Variants in SPIRE2 observed in about 807,000 individuals in gnomAD.
SPIRE2 encodes the protein spire type actin nucleation factor 2.
SPIRE2 carries 76 observed loss-of-function variants against 80.7 expected under a neutral mutation model. The ratio of observed to expected loss-of-function variants is 0.94; its 90% CI spans 0.78 to 1.14. The LOEUF (loss-of-function observed/expected upper bound fraction) is 1.14. SPIRE2 is among the 50% of genes most tolerant of loss of function. SPIRE2 has a pLI of 0.00. For missense variants in SPIRE2, 1,196 were observed against 1,015.3 expected (o/e 1.18, Z -2.42); for synonymous variants, 535 against 432.6 (o/e 1.24, Z -2.94).
intron 1 of SPIRE2, among the ~76,000 whole-genome samples, chr16:89,838,944 G>A (rs1459609698): frequency 6.6e-6 from 1 of 151,844 alleles, no homozygotes; most frequent in East Asian, 2.0e-4. Flanking sequence ...TGGCCAGGCT[G>A]GTCTTGAACC....
In SPIRE2 at chr16:89,828,538, T is replaced by C; in HGVS notation, c.-13T>C. 1.4e-5 allele frequency: 15 copies of C among 1,079,528 alleles called. No homozygotes were observed. Among genetic ancestry groups the C allele is most frequent in the South Asian group, 4.3e-5 (1 of 22,992 alleles). The allele number at this position is 1,079,528 out of a possible 1,614,324, so 66.9% of individuals were successfully genotyped here. ...CGCGGGTCCGGCGCGCGGGAGGCGA[T>C]GACGGCCCCGCCATGGCCCGGGCGG... On this transcript the variant is annotated 5_prime_UTR_variant, in exon 1 of 15. An upstream start codon of the reference 5' UTR is lost. Transcript: ENST00000378247. This position sits in a 1 kb window ranked among gnomAD's most constrained non-coding sequence, Gnocchi z 5.9.
intron 2 of SPIRE2, chr16:89,845,693 G>A (rs1239265821): frequency 3.0e-6 from 2 of 670,958 alleles, no homozygotes; most frequent in Non-Finnish European, 5.4e-6. Context: ...CGGGGTCAGG[G>A]AGACGACTTC....
At chr16:89,835,344 G>A (rs899334937) in intron 1 of SPIRE2, among the ~76,000 whole-genome samples, 3 of 152,216 alleles carry the variant, frequency 2.0e-5, no homozygotes, top group Admixed American at 2.0e-4. Context: ...TGCTACTGTT[G>A]AGATTCGGTT....
At chr16:89,857,592 T>C (rs1482550621) in intron 7 of SPIRE2, among the ~76,000 whole-genome samples, 3 of 151,880 alleles carry the variant, frequency 2.0e-5, no homozygotes, top group South Asian at 4.2e-4. Context: ...TTTTTTGAGA[T>C]GGAGTTTCGC....
chr16:89,845,292 C>T, intron 1 of SPIRE2, 30 bp from the exon 2 acceptor site: 1 of 1,612,810 alleles, frequency 6.2e-7, no homozygotes, highest in East Asian at 2.2e-5. Flanking sequence ...GGGATGCTGA[C>T]AAATAACTTA....
chr16:89,831,054 C>T (rs994332904), intron 1 of SPIRE2, among the ~76,000 whole-genome samples: 2 of 150,108 alleles, frequency 1.3e-5, no homozygotes, highest in African/African-American at 4.9e-5. Flanking sequence ...GGACTACAGG[C>T]GCCCGCCACC....
chr16:89,831,807 C>G (rs568204859), intron 1 of SPIRE2, among the ~76,000 whole-genome samples: 2 of 151,226 alleles, frequency 1.3e-5, no homozygotes, highest in African/African-American at 2.4e-5. Flanking sequence ...CCCTTCTGCC[C>G]GGCTCTCAGG....
chr16:89,869,341 C>T (rs940947933), intron 13 of SPIRE2, among the ~76,000 whole-genome samples: 7 of 151,872 alleles, frequency 4.6e-5, no homozygotes, highest in African/African-American at 7.3e-5. Flanking sequence ...ACGGTTCTTG[C>T]GCTCTAAGAA....
At chr16:89,867,443 G>C (rs35360258) in intron 12 of SPIRE2, among the ~76,000 whole-genome samples, 13 of 151,072 alleles carry the variant, frequency 8.6e-5, no homozygotes, top group African/African-American at 3.2e-4. Context: ...GCGCCTGGCC[G>C]ACAGTGTGCA....
Position 89,868,168 on chromosome 16 carries a change from A to G in SPIRE2, c.1779-21A>G, listed in dbSNP as rs1402736884. 10 of 1,613,970 alleles carry G rather than the reference A, an allele frequency of 6.2e-6. 1 individual carries two copies. The African/African-American group carries it at 9.3e-5, about 15-fold the overall frequency. On this transcript the variant is annotated intron_variant, in intron 12 of 14. Transcript: ENST00000378247. ...TGGGCTTCCTCCCTGCTGATGCTGC[A>G]TTTCCTCTGTTCCCTTCCAGAGCCG...
chr16:89,845,660 G>T, intron 2 of SPIRE2: 1 of 695,356 alleles, frequency 1.4e-6, no homozygotes, highest in Non-Finnish European at 2.6e-6. Flanking sequence ...ACGTCTGCAG[G>T]GCCGGCCTCC....
At chr16:89,841,843 G>A (rs535918641) in intron 1 of SPIRE2, among the ~76,000 whole-genome samples, 3 of 151,664 alleles carry the variant, frequency 2.0e-5, no homozygotes, top group Non-Finnish European at 4.4e-5. Flanking sequence ...GATTACAGGC[G>A]TGTTCCTCCC....
intron 1 of SPIRE2, among the ~76,000 whole-genome samples, chr16:89,839,520 C>T (rs566433587): frequency 5.9e-5 from 9 of 152,248 alleles, no homozygotes; most frequent in Non-Finnish European, 1.2e-4. Context: ...GTTCGTGGGT[C>T]TGCCAGGAAT....
chr16:89,844,094 C>G (rs1281783597), intron 1 of SPIRE2, among the ~76,000 whole-genome samples: 1 of 150,890 alleles, frequency 6.6e-6, no homozygotes, highest in Non-Finnish European at 1.5e-5. Flanking sequence ...CTCCTGGGCT[C>G]AAGAGGTCCT....
chr16:89,844,727 C>G (rs185197545), intron 1 of SPIRE2, among the ~76,000 whole-genome samples: 1 of 152,218 alleles, frequency 6.6e-6, no homozygotes, highest in East Asian at 1.9e-4. Context: ...CGTGAGCCAC[C>G]GCGCCTGGCC....
chr16:89,842,503 G>A (rs1341125768), intron 1 of SPIRE2, among the ~76,000 whole-genome samples: 1 of 152,136 alleles, frequency 6.6e-6, no homozygotes, highest in East Asian at 1.9e-4. Context: ...GTGAGCCACC[G>A]TGCCCGGCCG....
At chr16:89,867,185 C>A (rs532813671) in intron 12 of SPIRE2, among the ~76,000 whole-genome samples, 62 of 152,044 alleles carry the variant, frequency 4.1e-4, no homozygotes, top group Admixed American at 2.6e-3. Flanking sequence ...CTCTCTGTCA[C>A]CCAGGCTGCG....
chr16:89,860,893 C>CCA (rs1330180099), intron 10 of SPIRE2, 98 bp downstream of exon 10: 40 of 731,424 alleles, frequency 5.5e-5, no homozygotes, highest in Non-Finnish European at 8.0e-5. Flanking sequence ...GTCTGAGCAC[C>CCA]TGTCTGGGGG....
intron 8 of SPIRE2, 133 bp from the exon 9 acceptor site, chr16:89,859,032 G>A: frequency 2.6e-6 from 2 of 770,064 alleles, no homozygotes; most frequent in Admixed American, 3.3e-5. Flanking sequence ...CGGGCAGGCT[G>A]GGAAGTGGGT....
Sources: gnomAD v4.1 joint callset for allele counts (sites outside exome capture counted in the v4.1 genomes callset) on GRCh38, gnomAD v4.1.1 for gene constraint, Gnocchi (gnomAD v3.1) non-coding constraint, MANE v1.5 for transcripts, NCBI Gene and HGNC (gene_info 2026-07-23, HGNC 2026-07-21) for gene names.